The following THOC7 variants were observed in gnomAD, a reference collection of about 807,000 sequenced individuals.
THOC7 encodes the protein THO complex subunit 7.
THOC7 carries 22 observed loss-of-function variants against 33.1 expected under a neutral mutation model. That is an observed-to-expected ratio of 0.66 (90% confidence interval 0.47 to 0.95). The LOEUF (loss-of-function observed/expected upper bound fraction) is 0.95, where lower values mean the gene tolerates loss of function less well. Ranked by LOEUF, THOC7 falls within the 40% of genes least tolerant of loss-of-function variation. The pLI is 0.00. For synonymous variants in THOC7, 77 were observed against 76.8 expected, an observed-to-expected ratio of 1.00 and a Z score of -0.01; for missense variants, 184 against 245.3, an observed-to-expected ratio of 0.75 and a Z score of 1.67.
At chr3:63,860,317 T>C (rs755524009) in intron 1 of THOC7, among the ~76,000 whole-genome samples, 10 of 152,158 alleles carry the variant, frequency 6.6e-5, no homozygotes, top group African/African-American at 7.2e-5. Flanking sequence ...AGTGCTAAGA[T>C]TGATTACAGG....
At chr3:63,845,526 C>T (rs964229530) in intron 1 of THOC7, among the ~76,000 whole-genome samples, 2 of 152,130 alleles carry the variant, frequency 1.3e-5, no homozygotes, top group African/African-American at 4.8e-5. Flanking sequence ...TAAAGGTAAC[C>T]AACGGCAGTC....
At chr3:63,863,612 A>T (rs912316725) in intron 1 of THOC7, 160 bp downstream of exon 1, 32 of 1,194,764 alleles carry the variant, frequency 2.7e-5, no homozygotes, top group Non-Finnish European at 3.3e-5. Context: ...GCAGCCGGGG[A>T]GGCCCGGGGC....
intron 1 of THOC7, among the ~76,000 whole-genome samples, chr3:63,849,483 T>C (rs959408452): frequency 1.3e-5 from 2 of 152,216 alleles, no homozygotes; most frequent in African/African-American, 4.8e-5. Context: ...CTCAAGGTAC[T>C]AGATACAGCA....
At chr3:63,862,599 C>T (rs1702251064) in intron 1 of THOC7, among the ~76,000 whole-genome samples, 1 of 152,142 alleles carries the variant, frequency 6.6e-6, no homozygotes, top group Non-Finnish European at 1.5e-5. Flanking sequence ...CTTTAGTAGC[C>T]TCCCACCTCC....
intron 1 of THOC7, among the ~76,000 whole-genome samples, chr3:63,842,359 T>G (rs1701783095): frequency 6.6e-6 from 1 of 152,090 alleles, no homozygotes; most frequent in Non-Finnish European, 1.5e-5. Context: ...TATACACTAT[T>G]GGTGGAATGT....
At chr3:63,863,930 A>G, upstream of THOC7, 2 of 601,754 alleles carry the variant, frequency 3.3e-6, no homozygotes, top group Non-Finnish European at 4.1e-6. Context: ...GCCTGCTCCG[A>G]CGCCTGAGCC....
intron 1 of THOC7, among the ~76,000 whole-genome samples, chr3:63,858,030 AC>A (rs1411379752): frequency 6.6e-6 from 1 of 152,234 alleles, no homozygotes. Context: ...AAACCCAAAA[AC>A]AAAAGAACCC....
Position 63,859,406 on chromosome 3 carries a change from G to A in THOC7, c.19+4366C>T, listed in dbSNP as rs554447424. On this transcript the variant is annotated intron_variant, in intron 1 of 7. Coordinates refer to ENST00000295899, the MANE Select transcript of THOC7 (RefSeq NM_025075.4). ...CGTACTCCTCTTGGCCCACCTGGAT[G>A]CAGTCCTGTCCCTAGATCCAGCCCA... Among the ~76,000 whole-genome samples, 23 of 152,320 alleles carry A rather than the reference G, an allele frequency of 1.5e-4. No homozygotes were observed. The South Asian group carries it at 4.6e-3, about 30-fold the overall frequency.
At chr3:63,853,750 T>C (rs1030755742) in intron 1 of THOC7, among the ~76,000 whole-genome samples, 49 of 151,768 alleles carry the variant, frequency 3.2e-4, no homozygotes, top group Non-Finnish European at 5.9e-5. Context: ...GTACTGAAAA[T>C]ACAAAAAATT....
At position 63,863,732 on chromosome 3, in the gene THOC7, G is replaced by A. The variant is rs1371985152; in HGVS notation, c.19+40C>T. 2.4e-6 allele frequency: 3 copies of A among 1,249,362 alleles called. No individual in the cohort carries two copies. The African/African-American group carries it at 4.7e-5, about 19-fold the overall frequency. The allele number at this position is 1,249,362 out of a possible 1,614,324, so 77.4% of individuals were successfully genotyped here. A position where few individuals can be genotyped will look rare whatever the true frequency, so the allele number is the denominator to read the frequency against. ...AGGGGTCTCAGGGGAGGCCCAGCGG[G>A]CCGTGCAGCGGGCGCGTGTGGCGGC... On this transcript the variant is annotated intron_variant, in intron 1 of 7. Coordinates refer to ENST00000295899, the MANE Select transcript of THOC7 (RefSeq NM_025075.4).
rs1295232755 is a variant in THOC7, at chr3:63,849,834, T to C, written c.20-10061A>G. On this transcript the variant is annotated intron_variant, in intron 1 of 7. Coordinates refer to ENST00000295899, the MANE Select transcript of THOC7 (RefSeq NM_025075.4). ...TCTGAATTCTTCTAGTTTTCTCTAA[T>C]ATCTGGCTAAGACTCTCAAATAACA... Among the ~76,000 whole-genome samples the C allele has an allele frequency of 2.0e-5, 3 of 152,346 alleles. No homozygotes were observed. The South Asian group carries it at 6.2e-4, about 32-fold the overall frequency.
At chr3:63,863,498 G>A (rs1029274832) in intron 1 of THOC7, 1 of 1,180,728 alleles carries the variant, frequency 8.5e-7, no homozygotes, top group Non-Finnish European at 1.0e-6. Flanking sequence ...CACGCTCCCG[G>A]CACACCCTAT....
intron 7 of THOC7, 130 bp from the exon 8 acceptor site, chr3:63,834,329 A>G (rs906667719): frequency 1.2e-6 from 1 of 851,428 alleles, no homozygotes; most frequent in Non-Finnish European, 1.8e-6. Context: ...TAGTTGAATC[A>G]AACTTTAAAA....
intron 1 of THOC7, among the ~76,000 whole-genome samples, chr3:63,849,176 C>A (rs1448674066): frequency 6.6e-6 from 1 of 152,268 alleles, no homozygotes; most frequent in South Asian, 2.1e-4. Flanking sequence ...CATCTGAGGT[C>A]AGGAGTTCAA....
At position 63,840,446 on chromosome 3, in the gene THOC7, T is replaced by A. The variant is rs1322260057; in HGVS notation, c.20-673A>T. 2.6e-5 allele frequency among the ~76,000 whole-genome samples: 4 copies of A among 151,940 alleles called. No homozygotes were observed. In the East Asian group the frequency reaches 7.7e-4, roughly 29 times the overall value. On this transcript the variant is annotated intron_variant, in intron 1 of 7. Transcript: ENST00000295899. ...GACTCTACAAAAAATAAAAATTAGC[T>A]GGGTGTGGTGGCATGTGCCTGTTAG...
chr3:63,840,872 G>C (rs1446521711), intron 1 of THOC7, among the ~76,000 whole-genome samples: 1 of 152,142 alleles, frequency 6.6e-6, no homozygotes, highest in African/African-American at 2.4e-5. Context: ...TAGGGCCACT[G>C]AACAATAACA....
intron 1 of THOC7, among the ~76,000 whole-genome samples, chr3:63,858,207 T>C (rs1309856435): frequency 6.6e-6 from 1 of 152,212 alleles, no homozygotes; most frequent in Non-Finnish European, 1.5e-5. Context: ...AATTAAATGG[T>C]CACTCAACTT....
intron 1 of THOC7, among the ~76,000 whole-genome samples, chr3:63,845,571 A>T (rs924587856): frequency 4.6e-5 from 7 of 152,178 alleles, no homozygotes; most frequent in Non-Finnish European, 1.0e-4. Context: ...GTGGAGGGGG[A>T]CATGAACTCT....
intron 1 of THOC7, chr3:63,863,504 C>T: frequency 8.4e-7 from 1 of 1,184,422 alleles, no homozygotes; most frequent in Non-Finnish European, 1.0e-6. Flanking sequence ...CCCGGCACAC[C>T]CTATAGCCCC....
Sources: allele counts gnomAD v4.1 joint callset (sites outside exome capture counted in the v4.1 genomes callset), GRCh38; gene constraint gnomAD v4.1.1; transcripts MANE v1.5; gene names NCBI Gene and HGNC (gene_info 2026-07-23, HGNC 2026-07-21).